CNTNAP2: variants seen among roughly 807,000 people sequenced by gnomAD.
The protein encoded by CNTNAP2 is contactin associated protein 2.
Under a neutral mutation model 155.2 loss-of-function variants are expected in CNTNAP2, and 98 were observed. The observed-to-expected ratio is 0.63, with a 90% CI of 0.54 to 0.75. The LOEUF (loss-of-function observed/expected upper bound fraction) is 0.75, where lower values mean the gene tolerates loss of function less well. Among genes scored for constraint, CNTNAP2 ranks in the 30% least tolerant of loss-of-function variants. The pLI is 0.00. For missense variants in CNTNAP2, 1,727 were observed against 1,688.1 expected (o/e 1.02, Z -0.40); for synonymous variants, 651 against 631.2 (o/e 1.03, Z -0.47).
chr7:147,769,162 A>G (rs1797426930), intron 13 of CNTNAP2, among the ~76,000 whole-genome samples: 1 of 152,192 alleles, frequency 6.6e-6, no homozygotes, highest in Admixed American at 6.6e-5. Flanking sequence ...AGATTTGGTC[A>G]ATTTATGCTA....
At chr7:147,101,413 C>T (rs1479275202) in intron 4 of CNTNAP2, among the ~76,000 whole-genome samples, 3 of 152,152 alleles carry the variant, frequency 2.0e-5, no homozygotes. Flanking sequence ...CGCTTTTGGG[C>T]CCTGGCTCCA....
chr7:147,683,168 G>A (rs1349484976), intron 13 of CNTNAP2, among the ~76,000 whole-genome samples: 1 of 151,790 alleles, frequency 6.6e-6, no homozygotes, highest in East Asian at 1.9e-4. Flanking sequence ...AGTAACAAAA[G>A]TTACCTTTAT....
intron 1 of CNTNAP2, among the ~76,000 whole-genome samples, chr7:146,518,351 A>G (rs927536069): frequency 1.3e-5 from 2 of 151,922 alleles, no homozygotes; most frequent in Non-Finnish European, 2.9e-5. Context: ...GAATAAGAAT[A>G]ACTTAAATAA....
intron 16 of CNTNAP2, among the ~76,000 whole-genome samples, chr7:148,131,286 A>T (rs890546191): frequency 6.6e-6 from 1 of 151,700 alleles, no homozygotes; most frequent in Non-Finnish European, 1.5e-5. Context: ...TTTAGTAGAG[A>T]CAGGTTTTCA....
chr7:146,201,639 A>AGTGTGT (rs57595774), intron 1 of CNTNAP2, among the ~76,000 whole-genome samples: 52 of 146,884 alleles, frequency 3.5e-4, no homozygotes, highest in African/African-American at 1.1e-3. Flanking sequence ...ATGTCCCACG[A>AGTGTGT]GTGTGTGTGT....
At chr7:148,349,539 C>A (rs1274098655) in intron 21 of CNTNAP2, among the ~76,000 whole-genome samples, 2 of 151,638 alleles carry the variant, frequency 1.3e-5, no homozygotes, top group Non-Finnish European at 2.9e-5. Context: ...GTAGCTGGGA[C>A]TACAGGCACC....
intron 21 of CNTNAP2, among the ~76,000 whole-genome samples, chr7:148,345,716 G>A (rs1001247541): frequency 1.3e-5 from 2 of 152,116 alleles, no homozygotes; most frequent in African/African-American, 4.8e-5. Context: ...CTGGACAACT[G>A]TGGGGCAGAG....
intron 1 of CNTNAP2, among the ~76,000 whole-genome samples, chr7:146,266,930 A>G (rs563558789): frequency 6.6e-6 from 1 of 151,100 alleles, no homozygotes; most frequent in Non-Finnish European, 1.5e-5. Flanking sequence ...GCTGCCTTCA[A>G]TAAAATATTT....
At chr7:146,212,659 G>A (rs573745568) in intron 1 of CNTNAP2, among the ~76,000 whole-genome samples, 1 of 152,248 alleles carries the variant, frequency 6.6e-6, no homozygotes, top group African/African-American at 2.4e-5. Context: ...ATGAGTTTAA[G>A]TTTGAATGAT....
intron 3 of CNTNAP2, among the ~76,000 whole-genome samples, chr7:146,881,613 A>G (rs550007201): frequency 6.6e-6 from 1 of 152,050 alleles, no homozygotes; most frequent in East Asian, 1.9e-4. Flanking sequence ...GAAAACATGA[A>G]AAATTTATGA....
chr7:148,319,805 C>T (rs1227355760), intron 21 of CNTNAP2, among the ~76,000 whole-genome samples: 1 of 151,654 alleles, frequency 6.6e-6, no homozygotes, highest in Non-Finnish European at 1.5e-5. Context: ...GCTCAGGGCT[C>T]CCCTTGATTC....
chr7:147,701,345 C>T (rs1185896040), intron 13 of CNTNAP2, among the ~76,000 whole-genome samples: 1 of 152,140 alleles, frequency 6.6e-6, no homozygotes, highest in Non-Finnish European at 1.5e-5. Context: ...TTACTGATAA[C>T]TGCAGTAGGT....
At position 147,165,350 on chromosome 7, in the gene CNTNAP2, G is replaced by GT. The variant is rs556722242; in HGVS notation, c.1348+32850dup. On this transcript the variant is annotated intron_variant, in intron 8 of 23. Coordinates refer to ENST00000361727, the MANE Select transcript of CNTNAP2 (RefSeq NM_014141.6). Reference sequence around the variant, plus strand: ...ATTCTACTTTTTGATGGGATTGTTGGTTTTTTTTTCTGGCTAATTTGTTTG... The same window carrying GT: ...ATTCTACTTTTTGATGGGATTGTTGGTTTTTTTTTTCTGGCTAATTTGTTTG... Among the ~76,000 whole-genome samples, 16 of 150,570 alleles carry GT rather than the reference G, an allele frequency of 1.1e-4. No homozygotes were observed. In the East Asian group the frequency reaches 1.8e-3, roughly 17 times the overall value.
chr7:146,956,762 A>G (rs531307655), intron 3 of CNTNAP2, among the ~76,000 whole-genome samples: 80 of 152,270 alleles, frequency 5.3e-4, no homozygotes, highest in African/African-American at 1.8e-3. Flanking sequence ...TTCTGGATGC[A>G]TGTTTTCATA....
chr7:147,406,128 A>G (rs546132295), intron 10 of CNTNAP2, among the ~76,000 whole-genome samples: 20 of 152,282 alleles, frequency 1.3e-4, no homozygotes, highest in Non-Finnish European at 2.5e-4. Flanking sequence ...ATAAAAGGAG[A>G]GTTCATTATT....
chr7:148,276,720 A>G (rs1360420347), intron 21 of CNTNAP2, among the ~76,000 whole-genome samples: 1 of 152,250 alleles, frequency 6.6e-6, no homozygotes. Context: ...TTTTTAATCC[A>G]TAGAATAACG....
At chr7:147,593,581 C>A (rs1326666026) in intron 12 of CNTNAP2, among the ~76,000 whole-genome samples, 1 of 151,918 alleles carries the variant, frequency 6.6e-6, no homozygotes, top group East Asian at 1.9e-4. Flanking sequence ...TGTAAAATAT[C>A]AATTTTAGAG....
At chr7:146,321,735 A>G (rs1379323956) in intron 1 of CNTNAP2, among the ~76,000 whole-genome samples, 2 of 152,098 alleles carry the variant, frequency 1.3e-5, no homozygotes, top group Non-Finnish European at 2.9e-5. Flanking sequence ...GAGATGTTCT[A>G]CACACACACA....
chr7:147,100,630 A>T (rs1294729034), intron 4 of CNTNAP2, among the ~76,000 whole-genome samples: 2 of 152,240 alleles, frequency 1.3e-5, no homozygotes, highest in Non-Finnish European at 2.9e-5. Context: ...TATTCATATC[A>T]GACACTCATA....
Sources: allele counts gnomAD v4.1 joint callset (sites outside exome capture counted in the v4.1 genomes callset), GRCh38; gene constraint gnomAD v4.1.1; transcripts MANE v1.5; gene names NCBI Gene and HGNC (gene_info 2026-07-23, HGNC 2026-07-21).